NR5A2: variants seen among roughly 807,000 people sequenced by gnomAD.
The protein encoded by NR5A2 is CYP7A promoter-binding factor.
NR5A2 carries 26 observed loss-of-function variants against 62.7 expected under a neutral mutation model. The observed-to-expected ratio is 0.41, with a 90% CI of 0.30 to 0.58. The LOEUF (loss-of-function observed/expected upper bound fraction) is 0.58, where lower values mean the gene tolerates loss of function less well. Ranked by LOEUF, NR5A2 falls within the 20% of genes least tolerant of loss-of-function variation. The probability of loss-of-function intolerance (pLI) is 0.22; values close to 1 mark genes in which losing one functional copy is unlikely to be tolerated. For synonymous variants in NR5A2, 246 were observed against 241.7 expected, an observed-to-expected ratio of 1.02 and a Z score of -0.16; for missense variants, 541 against 669.1, an observed-to-expected ratio of 0.81 and a Z score of 2.11.
Position 200,137,354 on chromosome 1 carries a change from C to T in NR5A2, c.1378+16399C>T, listed in dbSNP as rs181261116. 9.7e-5 allele frequency among the ~76,000 whole-genome samples: 14 copies of T among 143,834 alleles called. No homozygotes were observed. The East Asian group carries it at 1.6e-3, about 17-fold the overall frequency. The allele number at this position is 143,834 out of a possible 152,430, so 94.4% of individuals were successfully genotyped here. A position where few individuals can be genotyped will look rare whatever the true frequency, so the allele number is the denominator to read the frequency against. On this transcript the variant is annotated intron_variant, in intron 7 of 7. Coordinates refer to ENST00000367362, the MANE Select transcript of NR5A2 (RefSeq NM_205860.3). ...TTTTTTTTTATGTTTTTGGTAGAGA[C>T]GAGGTTTCACCATGTTGGCCAAGCT...
intron 3 of NR5A2, among the ~76,000 whole-genome samples, chr1:200,044,777 AATTC>A (rs1662280077): frequency 6.6e-6 from 1 of 151,992 alleles, no homozygotes; most frequent in African/African-American, 2.4e-5. Flanking sequence ...ATTTTTGATT[AATTC>A]TTTTATATAA....
intron 5 of NR5A2, among the ~76,000 whole-genome samples, chr1:200,063,245 C>T (rs977712074): frequency 2.6e-5 from 4 of 152,112 alleles, no homozygotes; most frequent in Admixed American, 1.3e-4. Context: ...AGGCTGGTCT[C>T]GAGCTCCTGA....
chr1:200,176,418 C>G lies in NR5A2; in HGVS notation c.*2208C>G, dbSNP rs767163168. On this transcript the variant is annotated 3_prime_UTR_variant, in exon 8 of 8. Transcript: ENST00000367362. ...CGTGTTATCTTCGTGGCTCAAAGGA[C>G]AATGCAAAATCGCCGATCAGAGCTC... is the stretch of plus-strand genomic sequence containing the variant. The G allele has an allele frequency of 3.3e-5, 5 of 152,556 alleles. No individual in the cohort carries two copies. Among genetic ancestry groups the G allele is most frequent in the Admixed American group, 6.5e-5 (1 of 15,268 alleles). 9.5% of individuals were successfully genotyped at this position (152,556 alleles called of 1,614,324 possible).
chr1:200,096,181 G>A (rs1665089165), intron 5 of NR5A2, among the ~76,000 whole-genome samples: 1 of 152,004 alleles, frequency 6.6e-6, no homozygotes, highest in African/African-American at 2.4e-5. Flanking sequence ...TCTGCCTCTG[G>A]GGTTCAAGTG....
Position 200,039,849 on chromosome 1 carries a change from T to TCGCCCTGCAGGCTTCAGCCTCC in NR5A2, c.202+60_202+81dup. ...TCCCGCTGCTTCCCCACCCCCGGGC[T>TCGCCCTGCAGGCTTCAGCCTCC]CGCCCTGCAGGCTTCAGCCTCCCGC... is the stretch of plus-strand genomic sequence containing the variant. On this transcript the variant is annotated intron_variant, in intron 2 of 7. Transcript: ENST00000367362. The surrounding 1 kb of genome is among the most constrained non-coding windows in gnomAD (Gnocchi z 5.1). 1 of 1,555,558 alleles carries TCGCCCTGCAGGCTTCAGCCTCC rather than the reference T, an allele frequency of 6.4e-7. No individual in the cohort carries two copies. The highest frequency in any genetic ancestry group is 8.7e-7 in the Non-Finnish European group (1 of 1,154,696).
chr1:200,170,531 A>C (rs1654124274), intron 7 of NR5A2, among the ~76,000 whole-genome samples: 1 of 152,156 alleles, frequency 6.6e-6, no homozygotes, highest in Non-Finnish European at 1.5e-5. Flanking sequence ...TATCATTTGT[A>C]TTTTGGCACT....
chr1:200,166,205 C>G (rs374872346), intron 7 of NR5A2, among the ~76,000 whole-genome samples: 5 of 152,104 alleles, frequency 3.3e-5, no homozygotes, highest in African/African-American at 1.2e-4. Context: ...TCCGTGGGAG[C>G]TTTTTTTCTA....
At chr1:200,173,284 A>G (rs553888039) in intron 7 of NR5A2, among the ~76,000 whole-genome samples, 1 of 152,340 alleles carries the variant, frequency 6.6e-6, no homozygotes, top group Non-Finnish European at 1.5e-5. Flanking sequence ...CATGCAGGTT[A>G]AAGGGCACTG....
At chr1:200,037,344 A>G (rs1286813162) in intron 1 of NR5A2, among the ~76,000 whole-genome samples, 1 of 152,122 alleles carries the variant, frequency 6.6e-6, no homozygotes, top group African/African-American at 2.4e-5. Context: ...AATCACCACC[A>G]CACACTAGGG....
intron 7 of NR5A2, among the ~76,000 whole-genome samples, chr1:200,156,395 T>C (rs1418885420): frequency 6.6e-6 from 1 of 152,170 alleles, no homozygotes; most frequent in Non-Finnish European, 1.5e-5. Flanking sequence ...CAAGTACCCA[T>C]ACAACCATTC....
chr1:200,115,046 GGTTTA>G (rs898977304), intron 6 of NR5A2, among the ~76,000 whole-genome samples: 20 of 116,530 alleles, frequency 1.7e-4, no homozygotes, highest in African/African-American at 5.8e-4. Flanking sequence ...CTTTTTTTGT[GGTTTA>G]GTTAGTTAGT....
chr1:200,080,848 T>C (rs1664260087), intron 5 of NR5A2, among the ~76,000 whole-genome samples: 1 of 152,202 alleles, frequency 6.6e-6, no homozygotes, highest in South Asian at 2.1e-4. Flanking sequence ...TTCACATATA[T>C]TTACAAGGGA....
intron 5 of NR5A2, among the ~76,000 whole-genome samples, chr1:200,052,683 C>T (rs1460610807): frequency 1.3e-5 from 2 of 151,880 alleles, no homozygotes; most frequent in Non-Finnish European, 2.9e-5. Flanking sequence ...GCTTTGTCGC[C>T]CAGGTTGGAG....
chr1:200,116,909 A>T (rs989596287), intron 6 of NR5A2, among the ~76,000 whole-genome samples: 1 of 152,206 alleles, frequency 6.6e-6, no homozygotes, highest in Non-Finnish European at 1.5e-5. Context: ...GCTAATTAAC[A>T]GCCACTGTAA....
At chr1:200,089,088 A>G (rs1391478075) in intron 5 of NR5A2, among the ~76,000 whole-genome samples, 2 of 152,192 alleles carry the variant, frequency 1.3e-5, no homozygotes, top group African/African-American at 2.4e-5. Context: ...TTCTCCCACA[A>G]ACACAATTAT....
rs765781140 is a variant in NR5A2 at position 200,048,467 on chromosome 1, C to A, written c.759C>A (p.Gly253=). ...TTAGCATGACAATGCCCCCTCACGG[C>A]AGCCTGCAAGGTTACCAAACATATG... The part of the protein sequence containing the change: ...SPISMTMPPH[G]SLQGYQTYGH... Residue 253 remains glycine (G), a synonymous_variant, in exon 5 of 8, where the codon GGC becomes GGA. Coordinates refer to ENST00000367362, the MANE Select transcript of NR5A2 (RefSeq NM_205860.3). This position sits in a 1 kb window ranked among gnomAD's most constrained non-coding sequence, Gnocchi z 4.8. 1 of 1,614,214 alleles carries A rather than the reference C, an allele frequency of 6.2e-7. No homozygotes were observed. The highest frequency in any genetic ancestry group is 8.5e-7 in the Non-Finnish European group (1 of 1,180,036).
At chr1:200,064,472 G>T (rs1425122842) in intron 5 of NR5A2, among the ~76,000 whole-genome samples, 1 of 152,190 alleles carries the variant, frequency 6.6e-6, no homozygotes, top group Non-Finnish European at 1.5e-5. Context: ...CTTTGGCATA[G>T]CACTTCTTGG....
intron 5 of NR5A2, among the ~76,000 whole-genome samples, chr1:200,070,248 G>A (rs1663676682): frequency 6.6e-6 from 1 of 152,070 alleles, no homozygotes. Context: ...CATTTGCTGT[G>A]GGCTTCGGCT....
Position 200,048,258 on chromosome 1 carries a change from G to T in NR5A2, c.550G>T (p.Ala184Ser). The T allele has an allele frequency of 6.2e-7, 1 of 1,613,802 alleles. No individual in the cohort carries two copies. Among genetic ancestry groups the T allele is most frequent in the Non-Finnish European group, 8.5e-7 (1 of 1,179,974 alleles). The change falls in exon 5 of 8, where the codon GCC becomes TCC. Residue 184 changes from alanine to serine, a missense_variant. Ala to Ser is a moderately conservative substitution (Grantham distance 99, BLOSUM62 1). Transcript: ENST00000367362. This position sits in a 1 kb window ranked among gnomAD's most constrained non-coding sequence, Gnocchi z 4.8. ...RDRALKQQKK[A>S]LIRANGLKLE... ...CAGGGCCCTGAAGCAACAGAAAAAAGCCCTCATCCGAGCCAATGGACTTAA... is the reference window on the plus strand; with the variant it reads ...CAGGGCCCTGAAGCAACAGAAAAAATCCCTCATCCGAGCCAATGGACTTAA...
Sources: gnomAD v4.1 joint callset for allele counts (sites outside exome capture counted in the v4.1 genomes callset) on GRCh38, gnomAD v4.1.1 for gene constraint, Gnocchi (gnomAD v3.1) non-coding constraint, MANE v1.5 for transcripts, NCBI Gene and HGNC (gene_info 2026-07-23, HGNC 2026-07-21) for gene names.